Variants in PRDX6 observed in about 807,000 individuals in gnomAD.
The protein encoded by PRDX6 is peroxiredoxin-6.
PRDX6 carries 13 observed loss-of-function variants against 20.0 expected under a neutral mutation model. The observed-to-expected ratio is 0.65, with a 90% CI of 0.42 to 1.03. The LOEUF (loss-of-function observed/expected upper bound fraction) is 1.03. PRDX6 is among the 50% of genes least tolerant of loss of function. PRDX6 has a pLI of 0.00. For synonymous variants in PRDX6, 85 were observed against 100.8 expected (o/e 0.84, Z 0.94); for missense variants, 203 against 276.9 (o/e 0.73, Z 1.89).
chr1:173,485,574 G>A, intron 3 of PRDX6, 67 bp downstream of exon 3: 1 of 1,382,314 alleles, frequency 7.2e-7, no homozygotes, highest in Non-Finnish European at 9.8e-7. Flanking sequence ...GTAAATGCTG[G>A]TACCAGCTAG....
At chr1:173,484,062 T>G (rs1658849178) in intron 2 of PRDX6, among the ~76,000 whole-genome samples, 2 of 142,470 alleles carry the variant, frequency 1.4e-5, no homozygotes, top group Non-Finnish European at 3.0e-5. Flanking sequence ...AAGGTTGCGG[T>G]GAGCCAAGTT....
At chr1:173,486,480 T>C in intron 4 of PRDX6, 79 bp downstream of exon 4, 1 of 1,436,522 alleles carries the variant, frequency 7.0e-7, no homozygotes. Context: ...AGGTCTGTGT[T>C]ACCTGTTTCT....
chr1:173,483,945 A>G (rs1329683262), intron 2 of PRDX6, among the ~76,000 whole-genome samples: 1 of 151,548 alleles, frequency 6.6e-6, no homozygotes, highest in Non-Finnish European at 1.5e-5. Context: ...TACTAAAAAT[A>G]CAAAAAAAAA....
chr1:173,483,478 G>A (rs1658839078), intron 2 of PRDX6, among the ~76,000 whole-genome samples: 1 of 152,148 alleles, frequency 6.6e-6, no homozygotes, highest in South Asian at 2.1e-4. Flanking sequence ...TTGAACCCGA[G>A]AGGTGGAGGC....
At chr1:173,485,605 C>T (rs1232558698) in intron 3 of PRDX6, 98 bp downstream of exon 3, 12 of 1,129,770 alleles carry the variant, frequency 1.1e-5, no homozygotes, top group African/African-American at 8.0e-5. Context: ...GGAATATCTA[C>T]GATTATGAAA....
In PRDX6 at chr1:173,486,408, A is replaced by T; in HGVS notation, c.546+7A>T. Reference sequence around the variant, plus strand: ...CACCCCAGTTGATTGGAAGGTAAAGATGTTTTTAAAAAGCAGTTTCTCTAC... The same window carrying T: ...CACCCCAGTTGATTGGAAGGTAAAGTTGTTTTTAAAAAGCAGTTTCTCTAC... On this transcript the variant is annotated splice_region_variant and intron_variant, in intron 4 of 4. Transcript: ENST00000340385. 6.3e-7 allele frequency: 1 copy of T among 1,598,162 alleles called. No individual in the cohort carries two copies. Among genetic ancestry groups the T allele is most frequent in the Admixed American group, 1.8e-5 (1 of 57,092 alleles).
intron 4 of PRDX6, among the ~76,000 whole-genome samples, chr1:173,487,126 C>G (rs150412665): frequency 4.2e-4 from 64 of 152,170 alleles, no homozygotes; most frequent in African/African-American, 1.3e-3. Flanking sequence ...AAACAGTAAA[C>G]AAGTTTATTA....
Position 173,485,463 on chromosome 1 carries a change from C to G in PRDX6, c.355C>G (p.Pro119Ala). ...ELAILLGMLD[P>A]AEKDEKGMPV... is the part of the protein sequence containing the mutation. ...TGCCATCCTGTTGGGCATGCTGGAT[C>G]CAGCAGAGAAGGATGAAAAGGGCAT... The change falls in exon 3 of 5, where the codon CCA (proline) becomes GCA (alanine). Residue 119 changes from proline to alanine, a missense_variant. Pro to Ala is a conservative substitution (Grantham distance 27, BLOSUM62 -1). Coordinates refer to ENST00000340385, the MANE Select transcript of PRDX6 (RefSeq NM_004905.3). 6.2e-7 allele frequency: 1 copy of G among 1,609,704 alleles called. No individual in the cohort carries two copies. The highest frequency in any genetic ancestry group is 8.5e-7 in the Non-Finnish European group (1 of 1,177,922).
intron 2 of PRDX6, among the ~76,000 whole-genome samples, chr1:173,484,140 AG>A (rs1658854373): frequency 4.3e-5 from 4 of 92,510 alleles, no homozygotes; most frequent in African/African-American, 1.5e-4. Context: ...AAAAAAAATT[AG>A]ATATATATAT....
chr1:173,477,661 C>T (rs751229722), intron 1 of PRDX6, among the ~76,000 whole-genome samples, 169 bp downstream of exon 1: 3 of 152,198 alleles, frequency 2.0e-5, no homozygotes, highest in Non-Finnish European at 4.4e-5. Flanking sequence ...CTCTGCTCAG[C>T]GTCGGCTGCG....
rs746310826 is a variant in PRDX6 at position 173,477,418 on chromosome 1, C to T, written c.21C>T (p.Leu7=). 1.1e-4 allele frequency: 169 copies of T among 1,608,882 alleles called. 1 individual carries two copies. The highest frequency in any genetic ancestry group is 1.9e-4 in the South Asian group (17 of 90,414). MPGGLL[L]GDVAPNFEAN... is the part of the protein sequence containing the mutation. ...TCGCCATGCCCGGAGGTCTGCTTCT[C>T]GGGGACGTGGCTCCCAACTTTGAGG... The change falls in exon 1 of 5, where the codon CTC becomes CTT. Residue 7 remains leucine (L), a synonymous_variant. Transcript: ENST00000340385.
chr1:173,487,407 A>G (rs1571398739), intron 4 of PRDX6, among the ~76,000 whole-genome samples: 1 of 152,164 alleles, frequency 6.6e-6, no homozygotes, highest in East Asian at 1.9e-4. Flanking sequence ...GAAGCTGCAG[A>G]AGGTGGGGTG....
chr1:173,477,456 T>C lies in PRDX6; in HGVS notation c.59T>C (p.Val20Ala), dbSNP rs1172747669. The change falls in exon 1 of 5, where the codon GTC (valine) becomes GCC (alanine). Residue 20 changes from valine (V) to alanine (A), a missense_variant. Val to Ala is a moderately conservative substitution (Grantham distance 64, BLOSUM62 0). Transcript: ENST00000340385. ...CCCAACTTTGAGGCCAATACCACCGTCGGCCGCATCCGTTTCCACGACTTT... is the reference window on the plus strand; with the variant it reads ...CCCAACTTTGAGGCCAATACCACCGCCGGCCGCATCCGTTTCCACGACTTT... ...VAPNFEANTT[V>A]GRIRFHDFLG... is the part of the protein sequence containing the mutation. The C allele has an allele frequency of 6.2e-7, 1 of 1,607,798 alleles. No individual in the cohort carries two copies. Among genetic ancestry groups the C allele is most frequent in the South Asian group, 1.1e-5 (1 of 90,310 alleles).
Position 173,477,380 on chromosome 1 carries a change from C to T in PRDX6, c.-18C>T, listed in dbSNP as rs774168007. The T allele has an allele frequency of 6.3e-6, 10 of 1,598,104 alleles. No homozygotes were observed. Among genetic ancestry groups the T allele is most frequent in the Non-Finnish European group, 8.5e-6 (10 of 1,171,312 alleles). On this transcript the variant is annotated 5_prime_UTR_variant, in exon 1 of 5. Coordinates refer to ENST00000340385, the MANE Select transcript of PRDX6 (RefSeq NM_004905.3). Reference sequence around the variant, plus strand: ...CGGTTGCTTGCTGTCCCAGCGGCGCCCCCTCATCACCGTCGCCATGCCCGG... The same window carrying T: ...CGGTTGCTTGCTGTCCCAGCGGCGCTCCCTCATCACCGTCGCCATGCCCGG...
At position 173,487,850 on chromosome 1, in the gene PRDX6, C is replaced by T; in HGVS notation, c.662C>T (p.Thr221Ile). 1.9e-6 allele frequency: 3 copies of T among 1,612,818 alleles called. No homozygotes were observed. Among genetic ancestry groups the T allele is most frequent in the Non-Finnish European group, 2.5e-6 (3 of 1,179,996 alleles). The change falls in exon 5 of 5, where the codon ACA becomes ATA. Residue 221 changes from threonine to isoleucine, a missense_variant. By Grantham distance (89) the Thr-to-Ile change is moderately conservative (BLOSUM62 -1). Transcript: ENST00000340385. ...LPSGKKYLRY[T>I]PQP ...TCTGGCAAGAAATACCTCCGCTACACACCCCAGCCTTAAGTCTCTTGGAGA... is the reference window on the plus strand; with the variant it reads ...TCTGGCAAGAAATACCTCCGCTACATACCCCAGCCTTAAGTCTCTTGGAGA...
chr1:173,486,215 C>G, intron 3 of PRDX6, 40 bp from the exon 4 acceptor site: 1 of 1,532,920 alleles, frequency 6.5e-7, no homozygotes, highest in Non-Finnish European at 8.8e-7. Context: ...TAATAACACT[C>G]AAAGAACTCT....
At position 173,485,524 on chromosome 1, in the gene PRDX6, C is replaced by A. The variant is rs377217292; in HGVS notation, c.399+17C>A. ...GCTCGTGTGGTAGGTCATACAAATT[C>A]ATTTTGTAGTTAGCTTAACTGATCA... is the stretch of plus-strand genomic sequence containing the variant. On this transcript the variant is annotated intron_variant, in intron 3 of 4. Transcript: ENST00000340385. 2.5e-5 allele frequency: 39 copies of A among 1,569,296 alleles called. No individual in the cohort carries two copies. The highest frequency in any genetic ancestry group is 3.3e-5 in the Non-Finnish European group (38 of 1,152,818).
Position 173,487,639 on chromosome 1 carries a change from A to G in PRDX6, c.547-96A>G, listed in dbSNP as rs188572783. ...GAGTAAAGAACACTTGATTAGTCTC[A>G]TTAGCACCTGTAGCTACTTTTCTAA... On this transcript the variant is annotated intron_variant, in intron 4 of 4. Transcript: ENST00000340385. The G allele has an allele frequency of 3.6e-3, 5,025 of 1,399,226 alleles. 54 individuals are homozygous for G. The highest frequency in any genetic ancestry group is 2.8e-3 in the South Asian group (213 of 76,810). The allele number at this position is 1,399,226 out of a possible 1,614,324, so 86.7% of individuals were successfully genotyped here. A position where few individuals can be genotyped will look rare whatever the true frequency, so the allele number is the denominator to read the frequency against.
intron 1 of PRDX6, among the ~76,000 whole-genome samples, chr1:173,480,708 T>G (rs764200555): frequency 1.3e-5 from 2 of 152,178 alleles, no homozygotes; most frequent in Non-Finnish European, 1.5e-5. Flanking sequence ...AGTATAAATA[T>G]TGGGTGTCAT....
Sources: allele counts gnomAD v4.1 joint callset (sites outside exome capture counted in the v4.1 genomes callset), GRCh38; gene constraint gnomAD v4.1.1; transcripts MANE v1.5; gene names NCBI Gene and HGNC (gene_info 2026-07-23, HGNC 2026-07-21).